The following LPCAT1 variants were observed in gnomAD, a reference collection of about 807,000 sequenced individuals.
LPCAT1 encodes the protein 1-acylglycerol-3-phosphate O-acyltransferase.
In LPCAT1, 23 loss-of-function variants were observed where a neutral mutation model predicts 60.9. The observed-to-expected ratio is 0.38, with a 90% CI of 0.27 to 0.53. The LOEUF (loss-of-function observed/expected upper bound fraction) is 0.53, where lower values mean the gene tolerates loss of function less well. Ranked by LOEUF, LPCAT1 falls within the 20% of genes least tolerant of loss-of-function variation. The probability of loss-of-function intolerance (pLI) is 0.82; values close to 1 mark genes in which losing one functional copy is unlikely to be tolerated. For synonymous variants in LPCAT1, 340 were observed against 301.1 expected (o/e 1.13, Z -1.34); for missense variants, 622 against 723.6 (o/e 0.86, Z 1.61).
Position 1,477,428 on chromosome 5 carries a change from C to G in LPCAT1, c.875G>C (p.Ser292Thr), listed in dbSNP as rs775268624. 2 of 1,613,912 alleles carry G rather than the reference C, an allele frequency of 1.2e-6. No homozygotes were observed. The highest frequency in any genetic ancestry group is 1.3e-5 in the African/African-American group (1 of 74,898). ...EEKRNPALYA[S>T]NVRRVMAEAL... ...CTCGGCCATGACTCGCCGCACGTTG[C>G]TGGCATACAGCGCGGGGTTCCTCTT... The change falls in exon 9 of 14, where the codon AGC becomes ACC. Residue 292 changes from serine (S) to threonine (T), a missense_variant. Around this residue, in one of 3 missense-constraint regions of LPCAT1, gnomAD observed 209 missense variants for 325.5 expected, o/e 0.64. Transcript: ENST00000283415. This position sits in a 1 kb window ranked among gnomAD's most constrained non-coding sequence, Gnocchi z 6.0.
chr5:1,501,584 G>A lies in LPCAT1; in HGVS notation c.155C>T (p.Thr52Met), dbSNP rs767638683. The A allele has an allele frequency of 4.3e-5, 69 of 1,613,780 alleles. No individual in the cohort carries two copies. Among genetic ancestry groups the A allele is most frequent in the South Asian group, 2.7e-4 (25 of 91,086 alleles). ...AACCAGGAGCCGGACCGGGAAGAGC[G>A]TCAGTGTCATGAGGGCCACCTGCAG... ...QKAQVALMTLTLFPVRLLVAA... is the reference protein window; with the variant it reads ...QKAQVALMTLMLFPVRLLVAA... Residue 52 changes from threonine (T) to methionine (M), a missense_variant, in exon 2 of 14, where the codon ACG becomes ATG. Transcript: ENST00000283415.
intron 8 of LPCAT1, 66 bp downstream of exon 8, chr5:1,479,555 T>C (rs1735049073): frequency 2.6e-6 from 3 of 1,139,954 alleles, no homozygotes; most frequent in Non-Finnish European, 4.0e-6. Context: ...CTGGGCATCC[T>C]GGTGTAAGCT....
intron 12 of LPCAT1, chr5:1,467,197 G>C: frequency 3.1e-6 from 1 of 326,232 alleles, no homozygotes; most frequent in Non-Finnish European, 5.6e-6. Flanking sequence ...CTGCCACTGG[G>C]AGGCCGCGGA....
intron 1 of LPCAT1, among the ~76,000 whole-genome samples, chr5:1,509,777 A>C (rs1198109087): frequency 6.6e-6 from 1 of 152,228 alleles, no homozygotes; most frequent in African/African-American, 2.4e-5. Context: ...GAATTCTCAT[A>C]GTTAACGATA....
In LPCAT1 at chr5:1,463,052, A is replaced by C. The variant is rs1196063336; in HGVS notation, c.*599T>G. 6.6e-6 allele frequency: 1 copy of C among 152,222 alleles called. No individual in the cohort carries two copies. The highest frequency in any genetic ancestry group is 1.9e-4 in the East Asian group (1 of 5,200). The allele number at this position is 152,222 out of a possible 1,614,324, so 9.4% of individuals were successfully genotyped here. A position where few individuals can be genotyped will look rare whatever the true frequency, so the allele number is the denominator to read the frequency against. ...TAAATAAATATCCTTTGACTCTAAA[A>C]GGAAAAATGAAGTAGAAAAACAATT... On this transcript the variant is annotated 3_prime_UTR_variant, in exon 14 of 14. Coordinates refer to ENST00000283415, the MANE Select transcript of LPCAT1 (RefSeq NM_024830.5).
intron 3 of LPCAT1, among the ~76,000 whole-genome samples, chr5:1,492,669 TGAA>T (rs1735635269): frequency 6.6e-6 from 1 of 152,190 alleles, no homozygotes; most frequent in Non-Finnish European, 1.5e-5. Flanking sequence ...TGCGCCGAGA[TGAA>T]GGTCAGTGCT....
chr5:1,464,866 CAT>C (rs1734277093), intron 13 of LPCAT1, among the ~76,000 whole-genome samples: 1 of 105,362 alleles, frequency 9.5e-6, no homozygotes, highest in Admixed American at 1.0e-4. Context: ...ACAGTAAACA[CAT>C]GCGTGTACAC....
intron 13 of LPCAT1, among the ~76,000 whole-genome samples, chr5:1,465,040 C>G (rs866836170): frequency 8.2e-6 from 1 of 121,790 alleles, no homozygotes; most frequent in African/African-American, 3.0e-5. Context: ...GCACACTAAA[C>G]ACACATGCGC....
At chr5:1,473,124 A>G (rs1415481015) in intron 11 of LPCAT1, among the ~76,000 whole-genome samples, 1 of 151,996 alleles carries the variant, frequency 6.6e-6, no homozygotes. Context: ...CTGGCCAGAG[A>G]GGCCTCCTGC....
intron 1 of LPCAT1, among the ~76,000 whole-genome samples, chr5:1,511,888 A>G (rs1013868714): frequency 6.6e-6 from 1 of 152,068 alleles, no homozygotes; most frequent in African/African-American, 2.4e-5. Context: ...TCAGCCAACA[A>G]CCCCAAGGAG....
rs746031935 is a variant in LPCAT1 at position 1,487,677 on chromosome 5, A to C, written c.667+714T>G. Among the ~76,000 whole-genome samples, 21 of 152,242 alleles carry C rather than the reference A, an allele frequency of 1.4e-4. No individual in the cohort carries two copies. The South Asian group carries it at 2.9e-3, about 21-fold the overall frequency. ...ACGTGACTCTGATCCAACCACAGAG[A>C]ACAGGTCTGCATGCCCCAGTATGGA... On this transcript the variant is annotated intron_variant, in intron 5 of 13. Transcript: ENST00000283415. The surrounding 1 kb of genome is among the most constrained non-coding windows in gnomAD (Gnocchi z 6.1).
intron 1 of LPCAT1, among the ~76,000 whole-genome samples, chr5:1,503,234 C>T (rs904453851): frequency 1.3e-5 from 2 of 152,208 alleles, no homozygotes; most frequent in East Asian, 1.9e-4. Context: ...GCATCACACT[C>T]GCTGCACCAA....
chr5:1,501,610 A>G lies in LPCAT1; in HGVS notation c.136-7T>C, dbSNP rs1736011180. On this transcript the variant is annotated splice_polypyrimidine_tract_variant and splice_region_variant and intron_variant, in intron 1 of 13. Coordinates refer to ENST00000283415, the MANE Select transcript of LPCAT1 (RefSeq NM_024830.5). ...TCAGTGTCATGAGGGCCACCTGCAG[A>G]CAGAGGGGGGCATTATCCAGAGAAT... 6.2e-7 allele frequency: 1 copy of G among 1,613,572 alleles called. No individual in the cohort carries two copies. The highest frequency in any genetic ancestry group is 2.2e-5 in the East Asian group (1 of 44,854).
chr5:1,467,961 CTGTGATCT>C (rs1734501390), intron 12 of LPCAT1, among the ~76,000 whole-genome samples: 1 of 152,156 alleles, frequency 6.6e-6, no homozygotes, highest in Non-Finnish European at 1.5e-5. Flanking sequence ...CTGCAGCGCG[CTGTGATCT>C]TGTGAGCGTT....
chr5:1,497,818 T>C (rs1735848549), intron 2 of LPCAT1, among the ~76,000 whole-genome samples: 4 of 152,122 alleles, frequency 2.6e-5, no homozygotes, highest in African/African-American at 9.7e-5. Context: ...GAACAGGTGT[T>C]CCCACACAGA....
At chr5:1,500,013 A>G (rs1735946878) in intron 2 of LPCAT1, among the ~76,000 whole-genome samples, 1 of 152,250 alleles carries the variant, frequency 6.6e-6, no homozygotes, top group African/African-American at 2.4e-5. Context: ...TAGGCTCTAC[A>G]GCCACACGGC....
chr5:1,464,481 A>G (rs995776446), intron 13 of LPCAT1, among the ~76,000 whole-genome samples: 2 of 151,308 alleles, frequency 1.3e-5, no homozygotes, highest in Admixed American at 6.6e-5. Context: ...GTCGGTGCCC[A>G]CTACAAACAT....
intron 11 of LPCAT1, among the ~76,000 whole-genome samples, chr5:1,471,454 G>A (rs572625565): frequency 6.6e-6 from 1 of 152,348 alleles, no homozygotes; most frequent in East Asian, 1.9e-4. Flanking sequence ...AGGGTGGTGA[G>A]AGGCACAGGT....
chr5:1,489,761 G>A lies in LPCAT1; in HGVS notation c.591C>T (p.Asn197=), dbSNP rs145565482. ...CGTGCATTACCTGTGGCCACTTTCC[G>A]TTGGACTGCGCCCGTCTCTTGATTT... ...VEEIKRRAQS[N]GKWPQIMIFP... is the part of the protein sequence containing the mutation. Residue 197 remains asparagine (N), a synonymous_variant, in exon 4 of 14, where the codon AAC becomes AAT. Transcript: ENST00000283415. The A allele has an allele frequency of 5.5e-4, 886 of 1,612,928 alleles. No homozygotes were observed. Among genetic ancestry groups the A allele is most frequent in the Admixed American group, 1.5e-3 (90 of 60,026 alleles).
Sources: allele counts gnomAD v4.1 joint callset (sites outside exome capture counted in the v4.1 genomes callset), GRCh38; gene constraint gnomAD v4.1.1; regional missense constraint gnomAD v4.1.1; non-coding constraint Gnocchi (gnomAD v3.1); transcripts MANE v1.5; gene names NCBI Gene and HGNC (gene_info 2026-07-23, HGNC 2026-07-21).